The following KCTD9 variants were observed in gnomAD, a reference collection of about 807,000 sequenced individuals.
The protein encoded by KCTD9 is potassium channel tetramerization domain containing 9.
KCTD9 carries 17 observed loss-of-function variants against 53.3 expected under a neutral mutation model. The observed-to-expected ratio is 0.32, with a 90% CI of 0.22 to 0.48. KCTD9 has a LOEUF of 0.48. Among genes scored for constraint, KCTD9 ranks in the 20% least tolerant of loss-of-function variants. The probability of loss-of-function intolerance (pLI) is 0.99; values close to 1 mark genes in which losing one functional copy is unlikely to be tolerated. For synonymous variants in KCTD9, 128 were observed against 162.7 expected (o/e 0.79, Z 1.62); for missense variants, 179 against 465.5 (o/e 0.38, Z 5.66).
chr8:25,457,340 T>C, intron 1 of KCTD9: 1 of 984,622 alleles, frequency 1.0e-6, no homozygotes, highest in African/African-American at 1.7e-5. Context: ...AGGTATCATT[T>C]AGCAACGCAA....
In KCTD9 at chr8:25,455,791, C is replaced by G. The variant is rs528029501; in HGVS notation, c.48+2408G>C. Reference sequence around the variant, plus strand: ...TTTTCACATGTGAAGGCCGTCCCTTCTTACAGGAGACCTGAGACCAGCTGA... The same window carrying G: ...TTTTCACATGTGAAGGCCGTCCCTTGTTACAGGAGACCTGAGACCAGCTGA... On this transcript the variant is annotated intron_variant, in intron 1 of 11. Transcript: ENST00000221200. 3.5e-4 allele frequency among the ~76,000 whole-genome samples: 53 copies of G among 152,334 alleles called. 1 individual carries two copies. Among genetic ancestry groups the G allele is most frequent in the Non-Finnish European group, 4.7e-4 (32 of 68,034 alleles).
intron 3 of KCTD9, 147 bp downstream of exon 3, chr8:25,444,145 C>T: frequency 2.8e-6 from 2 of 712,152 alleles, no homozygotes; most frequent in Non-Finnish European, 4.7e-6. Flanking sequence ...TTAACATACC[C>T]AATGCAGAAT....
chr8:25,449,186 T>C (rs1004311265), intron 1 of KCTD9, among the ~76,000 whole-genome samples: 1 of 152,238 alleles, frequency 6.6e-6, no homozygotes, highest in African/African-American at 2.4e-5. Context: ...AAACAACTCC[T>C]GCAGTCAGAA....
At chr8:25,456,645 A>C (rs1563251866) in intron 1 of KCTD9, among the ~76,000 whole-genome samples, 1 of 152,154 alleles carries the variant, frequency 6.6e-6, no homozygotes, top group Non-Finnish European at 1.5e-5. Flanking sequence ...AATATTTTTA[A>C]AGTAAATAAA....
chr8:25,434,297 G>A (rs538655309), intron 9 of KCTD9, among the ~76,000 whole-genome samples: 7 of 152,166 alleles, frequency 4.6e-5, no homozygotes, highest in South Asian at 4.1e-4. Flanking sequence ...ACGGGGTTTC[G>A]CCATGTTGGC....
Position 25,435,533 on chromosome 8 carries a change from T to C in KCTD9, c.664-21A>G, listed in dbSNP as rs1353722406. 7 of 1,577,738 alleles carry C rather than the reference T, an allele frequency of 4.4e-6. No individual in the cohort carries two copies. In the South Asian group the frequency reaches 4.7e-5, roughly 11 times the overall value. Reference sequence around the variant, plus strand: ...AAACCCTGAAATAAAAAAGCACAAATTGTCACCATAACTAAATCGTCTGTT... The same window carrying C: ...AAACCCTGAAATAAAAAAGCACAAACTGTCACCATAACTAAATCGTCTGTT... On this transcript the variant is annotated intron_variant, in intron 8 of 11. Transcript: ENST00000221200.
chr8:25,451,755 C>G (rs1296127280), intron 1 of KCTD9, among the ~76,000 whole-genome samples: 1 of 152,112 alleles, frequency 6.6e-6, no homozygotes, highest in South Asian at 2.1e-4. Flanking sequence ...CAAATTGTAA[C>G]CTGTATTATT....
chr8:25,445,972 A>T, intron 2 of KCTD9, 157 bp downstream of exon 2: 4 of 832,326 alleles, frequency 4.8e-6, no homozygotes, highest in Non-Finnish European at 7.3e-6. Flanking sequence ...AATTCACCTT[A>T]AGCCCAAATG....
At chr8:25,449,254 G>A (rs1563249744) in intron 1 of KCTD9, among the ~76,000 whole-genome samples, 1 of 152,194 alleles carries the variant, frequency 6.6e-6, no homozygotes, top group South Asian at 2.1e-4. Context: ...CAATGTTCTT[G>A]GCATAGTTGC....
In KCTD9 at chr8:25,437,144, CG is replaced by C. The variant is rs1196895744; in HGVS notation, c.500-660del. On this transcript the variant is annotated intron_variant, in intron 6 of 11. Coordinates refer to ENST00000221200, the MANE Select transcript of KCTD9 (RefSeq NM_017634.4). ...ACAAACGTCATCCAAGGTACAGCAT[CG>C]GGCTACCACTCTGGCATACAGGGTC... 2.0e-5 allele frequency among the ~76,000 whole-genome samples: 3 copies of C among 152,168 alleles called. No individual in the cohort carries two copies. In the South Asian group the frequency reaches 6.2e-4, roughly 32 times the overall value.
chr8:25,456,814 A>G (rs1463285279), intron 1 of KCTD9, among the ~76,000 whole-genome samples: 1 of 152,186 alleles, frequency 6.6e-6, no homozygotes, highest in Non-Finnish European at 1.5e-5. Flanking sequence ...CTAGGTTTAA[A>G]TATTTGTCTT....
chr8:25,457,327 T>A, intron 1 of KCTD9: 1 of 982,838 alleles, frequency 1.0e-6, no homozygotes, highest in Non-Finnish European at 1.2e-6. Flanking sequence ...CTGAGTTACT[T>A]CTAGGTATCA....
intron 11 of KCTD9, among the ~76,000 whole-genome samples, chr8:25,432,269 C>T (rs1328751150): frequency 2.0e-5 from 3 of 152,086 alleles, no homozygotes; most frequent in South Asian, 2.1e-4. Flanking sequence ...TAATTCTATT[C>T]GGAATTAAAT....
intron 1 of KCTD9, among the ~76,000 whole-genome samples, chr8:25,452,508 T>C (rs1186244242): frequency 6.6e-6 from 1 of 152,218 alleles, no homozygotes; most frequent in Non-Finnish European, 1.5e-5. Context: ...ACATTTCACC[T>C]GCAAATTAAA....
intron 9 of KCTD9, among the ~76,000 whole-genome samples, chr8:25,434,095 TA>T (rs1354021892): frequency 6.6e-6 from 1 of 152,176 alleles, no homozygotes; most frequent in Non-Finnish European, 1.5e-5. Context: ...TTTAAGACTT[TA>T]TTTTTTTGTT....
chr8:25,429,738 GT>G lies in KCTD9; in HGVS notation c.*118del, dbSNP rs200541990. ...TCAAAACAAGCATAATCCTCTAAAT[GT>G]TTTTTTTTTAAATTTCCTTACAGTG... On this transcript the variant is annotated 3_prime_UTR_variant, in exon 12 of 12. Transcript: ENST00000221200. 1.3e-3 allele frequency: 800 copies of G among 628,128 alleles called. No homozygotes were observed. The highest frequency in any genetic ancestry group is 2.9e-3 in the Middle Eastern group (6 of 2,102). 38.9% of individuals were successfully genotyped at this position (628,128 alleles called of 1,614,324 possible).
intron 1 of KCTD9, among the ~76,000 whole-genome samples, chr8:25,450,108 T>C (rs1442829622): frequency 6.6e-6 from 1 of 152,270 alleles, no homozygotes; most frequent in Non-Finnish European, 1.5e-5. Flanking sequence ...GAGCACAGTC[T>C]AGGTATAAAT....
chr8:25,440,339 T>C (rs1479593621), intron 4 of KCTD9, among the ~76,000 whole-genome samples: 5 of 152,154 alleles, frequency 3.3e-5, no homozygotes, highest in Non-Finnish European at 5.9e-5. Flanking sequence ...ATTACAGGCG[T>C]GAGCCACCGC....
intron 11 of KCTD9, among the ~76,000 whole-genome samples, chr8:25,431,073 CGCCCACCTTG>C (rs1412115441): frequency 6.6e-6 from 1 of 152,072 alleles, no homozygotes; most frequent in African/African-American, 2.4e-5. Flanking sequence ...TCAAGTGATT[CGCCCACCTTG>C]GCCTCCCAAA....
Sources: allele counts gnomAD v4.1 joint callset (sites outside exome capture counted in the v4.1 genomes callset), GRCh38; gene constraint gnomAD v4.1.1; transcripts MANE v1.5; gene names NCBI Gene and HGNC (gene_info 2026-07-23, HGNC 2026-07-21).